Variants in CLSPN observed in about 807,000 individuals in gnomAD.
CLSPN encodes the protein claspin.
CLSPN carries 85 observed loss-of-function variants against 156.3 expected under a neutral mutation model. The observed-to-expected ratio is 0.54, with a 90% CI of 0.46 to 0.65. The LOEUF (loss-of-function observed/expected upper bound fraction) is 0.65, where lower values mean the gene tolerates loss of function less well. Ranked by LOEUF, CLSPN falls within the 30% of genes least tolerant of loss-of-function variation. CLSPN has a pLI of 0.00. For synonymous variants in CLSPN, 534 were observed against 542.4 expected, an observed-to-expected ratio of 0.98 and a Z score of 0.22; for missense variants, 1,407 against 1,554.9, an observed-to-expected ratio of 0.90 and a Z score of 1.60.
At chr1:35,720,595 G>C (rs1641052156) in exon 25 of CLSPN, 1 of 176,350 alleles carries the variant, frequency 5.7e-6, no homozygotes, top group African/African-American at 2.4e-5. Flanking sequence ...GATTACAGGT[G>C]CATGCATCAC....
rs1407047895 is a variant in CLSPN, at chr1:35,735,111, C to T, written c.*1385G>A. On this transcript the variant is annotated 3_prime_UTR_variant, in exon 25 of 25. Transcript: ENST00000318121. The stretch of plus-strand genomic sequence containing the variant: ...AAATAAGGGTTATGTTTCTTCTTGT[C>T]AGACCCAGAAGGGAGATCTTTGAAC... 1.5e-5 allele frequency: 15 copies of T among 985,426 alleles called. No homozygotes were observed. Among genetic ancestry groups the T allele is most frequent in the Non-Finnish European group, 1.7e-5 (14 of 829,930 alleles). The allele number at this position is 985,426 out of a possible 1,614,324, so 61.0% of individuals were successfully genotyped here.
In CLSPN at chr1:35,751,270, C is replaced by T; in HGVS notation, c.2008G>A (p.Glu670Lys). ...GAAACCTCCTGATTTCCTTCTTCTT[C>T]CTCCTCCTCTTCTTTCTCCTCCTCT... is the stretch of plus-strand genomic sequence containing the variant. ...EEEEEKEEEEEEEGNQETAEF... is the reference protein window; with the variant it reads ...EEEEEKEEEEKEEGNQETAEF... Residue 670 changes from glutamate (E) to lysine (K), a missense_variant, in exon 10 of 25, where the codon GAA becomes AAA. By Grantham distance (56) the Glu-to-Lys change is moderately conservative. Around this residue, in one of 3 missense-constraint regions of CLSPN, gnomAD observed 1,096 missense variants for 1,193.0 expected, o/e 0.92. Transcript: ENST00000318121. 1.3e-6 allele frequency: 2 copies of T among 1,592,798 alleles called. No individual in the cohort carries two copies. Among genetic ancestry groups the T allele is most frequent in the Non-Finnish European group, 1.7e-6 (2 of 1,173,958 alleles).
chr1:35,738,391 G>A (rs751281350), intron 21 of CLSPN, 64 bp downstream of exon 21: 569 of 1,529,184 alleles, frequency 3.7e-4, no homozygotes, highest in Non-Finnish European at 4.7e-4. Context: ...CTAAGATTTT[G>A]AAACTATCAT....
At chr1:35,739,302 C>G (rs748236126) in intron 19 of CLSPN, 45 bp from the exon 20 acceptor site, 4 of 1,613,986 alleles carry the variant, frequency 2.5e-6, no homozygotes, top group African/African-American at 2.7e-5. Flanking sequence ...ACCATTCTGG[C>G]TGGTTACAGG....
At chr1:35,737,939 C>A in intron 22 of CLSPN, 53 bp downstream of exon 22, 1 of 1,007,172 alleles carries the variant, frequency 9.9e-7, no homozygotes, top group Non-Finnish European at 1.4e-6. Flanking sequence ...ACCTCCAAAG[C>A]TCTACCACTA....
rs772877730 is a variant in CLSPN, at chr1:35,760,878, A to G, written c.1043T>C (p.Ile348Thr). 3.1e-6 allele frequency: 5 copies of G among 1,612,952 alleles called. No homozygotes were observed. The highest frequency in any genetic ancestry group is 3.3e-5 in the Admixed American group (2 of 59,944). Residue 348 changes from isoleucine (I) to threonine (T), a missense_variant, in exon 8 of 25, where the codon ATA becomes ACA. Coordinates refer to ENST00000318121, the MANE Select transcript of CLSPN (RefSeq NM_022111.4). The stretch of plus-strand genomic sequence containing the variant: ...CATTTCAGTAGTATTTGCAGTGTCT[A>G]TGATTTCTTTGTGATGGCTTGACTG... Reference protein sequence around the residue: ...KYQSSHHKEIIDTANTTEMNS... With the variant: ...KYQSSHHKEITDTANTTEMNS...
intron 24 of CLSPN, among the ~76,000 whole-genome samples, chr1:35,725,701 G>A (rs1641166632): frequency 6.6e-6 from 1 of 152,162 alleles, no homozygotes; most frequent in African/African-American, 2.4e-5. Context: ...GGTGGCTCGT[G>A]CGGAGGGGGA....
intron 3 of CLSPN, 148 bp downstream of exon 3, chr1:35,764,118 A>G (rs1014082388): frequency 6.5e-5 from 40 of 617,352 alleles, no homozygotes; most frequent in Middle Eastern, 4.3e-4. Context: ...TTAGTTTTAA[A>G]TCACATACCT....
intron 13 of CLSPN, 118 bp from the exon 14 acceptor site, chr1:35,748,179 G>T: frequency 8.4e-7 from 1 of 1,192,258 alleles, no homozygotes; most frequent in Non-Finnish European, 1.2e-6. Context: ...AATTGTAGTT[G>T]AGGGGGACAA....
chr1:35,765,918 A>C (rs954918173), intron 1 of CLSPN, among the ~76,000 whole-genome samples: 2 of 152,112 alleles, frequency 1.3e-5, no homozygotes, highest in African/African-American at 4.8e-5. Context: ...AACATGTTGA[A>C]TAATACCACA....
chr1:35,755,811 C>T (rs952637144), intron 8 of CLSPN, among the ~76,000 whole-genome samples: 4 of 152,152 alleles, frequency 2.6e-5, no homozygotes, highest in Admixed American at 6.6e-5. Flanking sequence ...TGGGTTTAAG[C>T]ATTCCTCCTA....
At chr1:35,745,879 CTG>C (rs1641861282) in intron 15 of CLSPN, among the ~76,000 whole-genome samples, 1 of 151,990 alleles carries the variant, frequency 6.6e-6, no homozygotes, top group Non-Finnish European at 1.5e-5. Flanking sequence ...ACATCAGACA[CTG>C]TTCTAAACTT....
chr1:35,763,047 G>A, intron 4 of CLSPN, 113 bp downstream of exon 4: 1 of 798,472 alleles, frequency 1.3e-6, no homozygotes, highest in Non-Finnish European at 1.8e-6. Context: ...TAAGTCAACT[G>A]ACACAAGTTT....
chr1:35,746,031 C>T lies in CLSPN; in HGVS notation c.2855-469G>A, dbSNP rs2148617475. Among the ~76,000 whole-genome samples, 1 of 152,156 alleles carries T rather than the reference C, an allele frequency of 6.6e-6. No homozygotes were observed. Among genetic ancestry groups the T allele is most frequent in the South Asian group, 2.1e-4 (1 of 4,814 alleles). On this transcript the variant is annotated intron_variant, in intron 15 of 24. Coordinates refer to ENST00000318121, the MANE Select transcript of CLSPN (RefSeq NM_022111.4). The surrounding 1 kb of genome is among the most constrained non-coding windows in gnomAD (Gnocchi z 4.2). ...CACAATCTCGGCTCACTGCAACCTC[C>T]ACCTCCGGGGTTCAAGCAGTTCTCC...
chr1:35,739,823 T>A (rs1641632771), intron 18 of CLSPN, among the ~76,000 whole-genome samples: 1 of 152,226 alleles, frequency 6.6e-6, no homozygotes, highest in South Asian at 2.1e-4. Context: ...CAGGATATAG[T>A]CCCATTGTAA....
At position 35,746,913 on chromosome 1, in the gene CLSPN, C is replaced by T. The variant is rs1485845781; in HGVS notation, c.2707G>A (p.Ala903Thr). 6.2e-7 allele frequency: 1 copy of T among 1,614,006 alleles called. No homozygotes were observed. The highest frequency in any genetic ancestry group is 1.3e-5 in the African/African-American group (1 of 74,910). The change falls in exon 15 of 25, where the codon GCC becomes ACC. Residue 903 changes from alanine (A) to threonine (T), a missense_variant. Physicochemically the swap from Ala to Thr is moderately conservative, Grantham distance 58 (BLOSUM62 0). Transcript: ENST00000318121. This position sits in a 1 kb window ranked among gnomAD's most constrained non-coding sequence, Gnocchi z 4.2. The part of the protein sequence containing the change: ...RLPLASMDEN[A>T]MDANMDELLD... ...AGCTCATCCATGTTGGCATCCATGGCATTCTCATCCATACTGGCCAATGGC... is the reference window on the plus strand; with the variant it reads ...AGCTCATCCATGTTGGCATCCATGGTATTCTCATCCATACTGGCCAATGGC...
chr1:35,738,682 G>A, intron 20 of CLSPN, 100 bp from the exon 21 acceptor site: 1 of 1,198,924 alleles, frequency 8.3e-7, no homozygotes, highest in Admixed American at 2.3e-5. Flanking sequence ...ATATAATGAT[G>A]TAAACTTTTC....
chr1:35,738,631 G>T, intron 20 of CLSPN, 49 bp from the exon 21 acceptor site: 1 of 1,604,412 alleles, frequency 6.2e-7, no homozygotes, highest in Non-Finnish European at 8.5e-7. Context: ...TCACAGGAGA[G>T]GGTGCTTGGA....
chr1:35,762,499 T>G lies in CLSPN; in HGVS notation c.745-18A>C, dbSNP rs1405855324. On this transcript the variant is annotated intron_variant, in intron 4 of 24. Coordinates refer to ENST00000318121, the MANE Select transcript of CLSPN (RefSeq NM_022111.4). The stretch of plus-strand genomic sequence containing the variant: ...TCTTTTTTCTAAAAGAAATGGCAGG[T>G]TGATTAGGACAAAAACGAAATTCAA... 6.2e-7 allele frequency: 1 copy of G among 1,609,068 alleles called. No homozygotes were observed. The highest frequency in any genetic ancestry group is 1.1e-5 in the South Asian group (1 of 90,952).
Sources: allele counts gnomAD v4.1 joint callset (sites outside exome capture counted in the v4.1 genomes callset), GRCh38; gene constraint gnomAD v4.1.1; regional missense constraint gnomAD v4.1.1; non-coding constraint Gnocchi (gnomAD v3.1); transcripts MANE v1.5; gene names NCBI Gene and HGNC (gene_info 2026-07-23, HGNC 2026-07-21).